Variants in NDST3 observed in about 807,000 individuals in gnomAD.
The protein encoded by NDST3 is N-deacetylase and N-sulfotransferase 3, also known as bifunctional heparan sulfate N-deacetylase/N-sulfotransferase 3.
NDST3 carries 58 observed loss-of-function variants against 96.1 expected under a neutral mutation model. The ratio of observed to expected loss-of-function variants is 0.60; its 90% CI spans 0.49 to 0.75. The LOEUF is 0.75. NDST3 is among the 30% of genes least tolerant of loss of function. The probability of loss-of-function intolerance (pLI) is 0.00; values close to 1 mark genes in which losing one functional copy is unlikely to be tolerated. For synonymous variants in NDST3, 333 were observed against 359.7 expected, an observed-to-expected ratio of 0.93 and a Z score of 0.84; for missense variants, 788 against 1,034.2, an observed-to-expected ratio of 0.76 and a Z score of 3.27.
chr4:118,124,962 G>C (rs1345098449), intron 4 of NDST3, among the ~76,000 whole-genome samples: 1 of 152,042 alleles, frequency 6.6e-6, no homozygotes, highest in Non-Finnish European at 1.5e-5. Context: ...TCACTACCCA[G>C]AGAGACTCAC....
At chr4:118,120,455 A>G (rs1218007841) in intron 4 of NDST3, among the ~76,000 whole-genome samples, 1 of 152,150 alleles carries the variant, frequency 6.6e-6, no homozygotes, top group Non-Finnish European at 1.5e-5. Flanking sequence ...CTGAGGTGTA[A>G]GAGCTGTCTT....
At chr4:118,061,890 T>C (rs900837044) in intron 2 of NDST3, among the ~76,000 whole-genome samples, 4 of 152,130 alleles carry the variant, frequency 2.6e-5, no homozygotes, top group Non-Finnish European at 5.9e-5. Flanking sequence ...GTTCAGAGAC[T>C]CCAGCGCAGC....
intron 6 of NDST3, among the ~76,000 whole-genome samples, chr4:118,146,594 T>C (rs1360255443): frequency 6.6e-6 from 1 of 152,172 alleles, no homozygotes. Flanking sequence ...GCCTGAAATG[T>C]TCTAATGTTA....
chr4:118,108,529 G>A (rs1259930866), intron 3 of NDST3, among the ~76,000 whole-genome samples: 1 of 152,052 alleles, frequency 6.6e-6, no homozygotes, highest in Non-Finnish European at 1.5e-5. Flanking sequence ...ATATCATGCT[G>A]AGAATTCTAT....
intron 6 of NDST3, among the ~76,000 whole-genome samples, chr4:118,175,457 C>T (rs1736217911): frequency 6.6e-6 from 1 of 152,032 alleles, no homozygotes; most frequent in Non-Finnish European, 1.5e-5. Context: ...CTAAGTAGTG[C>T]CCACATTTAC....
chr4:118,190,659 G>A (rs959610675), intron 6 of NDST3, among the ~76,000 whole-genome samples: 5 of 152,100 alleles, frequency 3.3e-5, no homozygotes, highest in African/African-American at 1.2e-4. Context: ...AACCACTCCC[G>A]AAGTAACCAG....
chr4:118,222,448 T>C (rs1411598467), intron 6 of NDST3, among the ~76,000 whole-genome samples: 1 of 151,932 alleles, frequency 6.6e-6, no homozygotes, highest in Non-Finnish European at 1.5e-5. Flanking sequence ...CCTGACAAAT[T>C]ATACTCCCTT....
At chr4:118,151,335 T>C (rs1367603389) in intron 6 of NDST3, among the ~76,000 whole-genome samples, 2 of 152,020 alleles carry the variant, frequency 1.3e-5, no homozygotes, top group Non-Finnish European at 2.9e-5. Flanking sequence ...CATGTATACA[T>C]ATGTAACTAA....
chr4:118,091,940 T>C (rs1728903152), intron 2 of NDST3, among the ~76,000 whole-genome samples: 2 of 151,738 alleles, frequency 1.3e-5, no homozygotes, highest in African/African-American at 4.8e-5. Flanking sequence ...ATCCTTTTTA[T>C]AGAATTGGGA....
At chr4:118,227,101 T>G (rs1739935018) in intron 8 of NDST3, 119 bp downstream of exon 8, 2 of 686,838 alleles carry the variant, frequency 2.9e-6, no homozygotes, top group Admixed American at 5.6e-5. Context: ...TAACATGTTT[T>G]TCTCTGACAT....
chr4:118,159,814 G>T (rs1734965492), intron 6 of NDST3, among the ~76,000 whole-genome samples: 1 of 152,142 alleles, frequency 6.6e-6, no homozygotes, highest in Admixed American at 6.5e-5. Context: ...ACATGATTAA[G>T]CTGAAGAAAG....
chr4:118,166,516 C>T (rs138282675), intron 6 of NDST3, among the ~76,000 whole-genome samples: 25 of 151,882 alleles, frequency 1.6e-4, no homozygotes, highest in Non-Finnish European at 2.5e-4. Context: ...TCCAAAAAAA[C>T]GGAATAGAAG....
chr4:118,067,758 G>A (rs1726711425), intron 2 of NDST3, among the ~76,000 whole-genome samples: 2 of 151,942 alleles, frequency 1.3e-5, no homozygotes, highest in African/African-American at 4.8e-5. Context: ...CAGTGTGGAG[G>A]GTGGGGGTGA....
intron 2 of NDST3, among the ~76,000 whole-genome samples, chr4:118,095,919 T>G (rs1420963836): frequency 6.6e-6 from 1 of 151,942 alleles, no homozygotes; most frequent in African/African-American, 2.4e-5. Context: ...GTTTTCATAG[T>G]TGAATAATAT....
Position 118,224,611 on chromosome 4 carries a change from C to T in NDST3, c.1660C>T (p.Pro554Ser), listed in dbSNP as rs1157985691. ...CAACCTGCGACTTCAGACTCTGCCTCCAGTACAACTGGCCCACAAGTATTT... is the reference window on the plus strand; with the variant it reads ...CAACCTGCGACTTCAGACTCTGCCTTCAGTACAACTGGCCCACAAGTATTT... Reference protein sequence around the residue: ...WTNLRLQTLPPVQLAHKYFEL... With the variant: ...WTNLRLQTLPSVQLAHKYFEL... Residue 554 changes from proline to serine, a missense_variant, in exon 7 of 14, where the codon CCA (proline) becomes TCA (serine). Transcript: ENST00000296499. 1.9e-6 allele frequency: 3 copies of T among 1,612,000 alleles called. No individual in the cohort carries two copies. The highest frequency in any genetic ancestry group is 2.5e-6 in the Non-Finnish European group (3 of 1,178,916).
chr4:118,105,187 G>A (rs1407819329), intron 3 of NDST3, 82 bp downstream of exon 3: 8 of 929,478 alleles, frequency 8.6e-6, no homozygotes, highest in Non-Finnish European at 1.3e-5. Context: ...TGCCCACACT[G>A]TCCTACATTC....
intron 2 of NDST3, among the ~76,000 whole-genome samples, chr4:118,071,531 C>T (rs139223916): frequency 5.9e-5 from 9 of 152,176 alleles, no homozygotes; most frequent in African/African-American, 2.2e-4. Flanking sequence ...TCTCTTCCTG[C>T]ATTAGTTTGC....
intron 6 of NDST3, among the ~76,000 whole-genome samples, chr4:118,146,774 CA>C (rs1216813041): frequency 6.6e-6 from 1 of 152,116 alleles, no homozygotes; most frequent in Non-Finnish European, 1.5e-5. Flanking sequence ...AAGCTGGATG[CA>C]GGGGTTTTGA....
Position 118,237,144 on chromosome 4 carries a change from C to T in NDST3, c.2042C>T (p.Ala681Val), listed in dbSNP as rs924741013. The T allele has an allele frequency of 6.2e-7, 1 of 1,613,614 alleles. No homozygotes were observed. The highest frequency in any genetic ancestry group is 2.2e-5 in the East Asian group (1 of 44,842). The change falls in exon 10 of 14, where the codon GCT becomes GTT. Residue 681 changes from alanine to valine, a missense_variant. Physicochemically the swap from Ala to Val is moderately conservative, Grantham distance 64. Around this residue, in one of 3 missense-constraint regions of NDST3, gnomAD observed 490 missense variants for 708.8 expected, o/e 0.69. Transcript: ENST00000296499. The part of the protein sequence containing the change: ...YFHSEEAPKR[A>V]ASLVPKAKII... ...CACTCAGAGGAAGCCCCTAAAAGAG[C>T]TGCTTCTCTGGTTCCCAAAGCCAAG...
Sources: allele counts gnomAD v4.1 joint callset (sites outside exome capture counted in the v4.1 genomes callset), GRCh38; gene constraint gnomAD v4.1.1; regional missense constraint gnomAD v4.1.1; transcripts MANE v1.5; gene names NCBI Gene and HGNC (gene_info 2026-07-23, HGNC 2026-07-21).